PIK3CA: variants seen among roughly 807,000 people sequenced by gnomAD.
The protein encoded by PIK3CA is phosphatidylinositol-4,5-bisphosphate 3-kinase catalytic subunit alpha.
A neutral mutation model predicts 138.2 loss-of-function variants in PIK3CA; 27 were observed. That is an observed-to-expected ratio of 0.20 (90% confidence interval 0.14 to 0.27). The LOEUF (loss-of-function observed/expected upper bound fraction) is 0.27, where lower values mean the gene tolerates loss of function less well. Ranked by LOEUF, PIK3CA falls within the 10% of genes least tolerant of loss-of-function variation. The probability of loss-of-function intolerance (pLI) is 1.00; values close to 1 mark genes in which losing one functional copy is unlikely to be tolerated. For synonymous variants in PIK3CA, 358 were observed against 413.2 expected (o/e 0.87, Z 1.62); for missense variants, 544 against 1,277.4 (o/e 0.43, Z 8.75).
intron 1 of PIK3CA, among the ~76,000 whole-genome samples, chr3:179,168,906 T>C (rs1231311444): frequency 6.6e-6 from 1 of 152,174 alleles, no homozygotes; most frequent in Non-Finnish European, 1.5e-5. Context: ...TTTTTTAATT[T>C]CTGGGTTTTT....
In PIK3CA at chr3:179,239,929, A is replaced by C. The variant is rs754813687; in HGVS notation, c.*5565A>C. The C allele has an allele frequency of 2.6e-5, 23 of 900,934 alleles. No individual in the cohort carries two copies. The highest frequency in any genetic ancestry group is 4.0e-5 in the Non-Finnish European group (23 of 572,218). The allele number at this position is 900,934 out of a possible 1,614,324, so 55.8% of individuals were successfully genotyped here. A position where few individuals can be genotyped will look rare whatever the true frequency, so the allele number is the denominator to read the frequency against. ...ATTGAGAATATAGAATAATAACAGT[A>C]TCACTAAATTTAAGACCTCTTCCCA... On this transcript the variant is annotated 3_prime_UTR_variant, in exon 21 of 21. Transcript: ENST00000263967.
rs748411676 is a variant in PIK3CA at position 179,230,017 on chromosome 3, A to G, written c.2680A>G (p.Ile894Val). The G allele has an allele frequency of 6.2e-7, 1 of 1,611,668 alleles. No homozygotes were observed. Residue 894 changes from isoleucine to valine, a missense_variant, in exon 19 of 21, where the codon ATT becomes GTT. This residue lies in a region of PIK3CA where 72 missense variants were observed against 271.8 expected (regional missense o/e 0.26). Transcript: ENST00000263967. The surrounding 1 kb of genome is among the most constrained non-coding windows in gnomAD (Gnocchi z 5.4). ...KNKGEIYDAA[I>V]DLFTRSCAGY... Reference sequence around the variant, plus strand: ...TATTCTTTGTAGATATGATGCAGCCATTGACCTGTTTACACGTTCATGTGC... The same window carrying G: ...TATTCTTTGTAGATATGATGCAGCCGTTGACCTGTTTACACGTTCATGTGC...
chr3:179,219,197 C>T lies in PIK3CA; in HGVS notation c.1666C>T (p.His556Tyr), dbSNP rs1468005092. 2 of 1,579,058 alleles carry T rather than the reference C, an allele frequency of 1.3e-6. No individual in the cohort carries two copies. Among genetic ancestry groups the T allele is most frequent in the Non-Finnish European group, 1.7e-6 (2 of 1,149,214 alleles). ...QEKDFLWSHRHYCVTIPEILP... is the reference protein window; with the variant it reads ...QEKDFLWSHRYYCVTIPEILP... ...GTTTATTTTGTTTCTCCCACACAGA[C>T]ACTATTGTGTAACTATCCCCGAAAT... The change falls in exon 11 of 21, where the codon CAC (histidine) becomes TAC (tyrosine). Residue 556 changes from histidine to tyrosine, a missense_variant and splice_region_variant. His to Tyr is a moderately conservative substitution (Grantham distance 83). Transcript: ENST00000263967. This position sits in a 1 kb window ranked among gnomAD's most constrained non-coding sequence, Gnocchi z 4.2.
At chr3:179,200,814 A>G (rs1724391487) in intron 3 of PIK3CA, among the ~76,000 whole-genome samples, 1 of 152,132 alleles carries the variant, frequency 6.6e-6, no homozygotes, top group African/African-American at 2.4e-5. Flanking sequence ...AAATTAGACA[A>G]TGCATTTCCT....
At chr3:179,186,321 C>A (rs1723981882) in intron 1 of PIK3CA, among the ~76,000 whole-genome samples, 1 of 152,134 alleles carries the variant, frequency 6.6e-6, no homozygotes, top group African/African-American at 2.4e-5. Flanking sequence ...CCTTTTGTTT[C>A]TTTCTTTAGC....
chr3:179,154,954 A>G lies in PIK3CA; in HGVS notation c.-77+6351A>G, dbSNP rs371479480. 8.5e-5 allele frequency among the ~76,000 whole-genome samples: 13 copies of G among 152,230 alleles called. No individual in the cohort carries two copies. The South Asian group carries it at 2.7e-3, about 32-fold the overall frequency. On this transcript the variant is annotated intron_variant, in intron 1 of 20. Transcript: ENST00000263967. ...CATTGCCATTTGAAATAAATTAGGGATTTTTAAAAATCTATAAGAATTCTT... is the reference window on the plus strand; with the variant it reads ...CATTGCCATTTGAAATAAATTAGGGGTTTTTAAAAATCTATAAGAATTCTT...
intron 1 of PIK3CA, among the ~76,000 whole-genome samples, chr3:179,188,636 G>A (rs1256023312): frequency 6.6e-6 from 1 of 152,094 alleles, no homozygotes; most frequent in Non-Finnish European, 1.5e-5. Context: ...GCTTTTATGT[G>A]AAACTGTGAT....
chr3:179,163,483 CT>C (rs1490103612), intron 1 of PIK3CA, among the ~76,000 whole-genome samples: 2 of 152,074 alleles, frequency 1.3e-5, no homozygotes, highest in African/African-American at 4.8e-5. Flanking sequence ...GACTCCCTAT[CT>C]TTAAAAAAAC....
intron 20 of PIK3CA, among the ~76,000 whole-genome samples, chr3:179,233,741 C>A (rs1197181499): frequency 6.6e-6 from 1 of 152,126 alleles, no homozygotes; most frequent in East Asian, 1.9e-4. Context: ...TTTTTACAAT[C>A]TTCTATAAAA....
chr3:179,207,524 G>A (rs922637740), intron 6 of PIK3CA, among the ~76,000 whole-genome samples: 2 of 151,138 alleles, frequency 1.3e-5, no homozygotes, highest in Admixed American at 1.3e-4. Flanking sequence ...GTACATTAAA[G>A]TAATATATCT....
intron 20 of PIK3CA, among the ~76,000 whole-genome samples, chr3:179,231,985 G>A (rs1433887590): frequency 2.6e-5 from 4 of 151,948 alleles, no homozygotes; most frequent in African/African-American, 9.7e-5. Context: ...TTGCTGATTT[G>A]AGTTCCTTAT....
chr3:179,231,640 T>C, intron 20 of PIK3CA, among the ~76,000 whole-genome samples: 1 of 117,398 alleles, frequency 8.5e-6, no homozygotes, highest in East Asian at 2.2e-4. Flanking sequence ...CTTTTTTTTT[T>C]TTTTTTTTTT....
chr3:179,200,711 ACAAC>A (rs1724388995), intron 3 of PIK3CA, among the ~76,000 whole-genome samples: 1 of 152,210 alleles, frequency 6.6e-6, no homozygotes, highest in Admixed American at 6.5e-5. Context: ...TGTACTGTGA[ACAAC>A]CAAACCTCTC....
chr3:179,211,564 G>A (rs1418980854), intron 9 of PIK3CA, among the ~76,000 whole-genome samples: 1 of 152,188 alleles, frequency 6.6e-6, no homozygotes, highest in Non-Finnish European at 1.5e-5. Flanking sequence ...CTACTCGGGA[G>A]GCTAAGTTAG....
At chr3:179,156,073 A>G (rs1284009930) in intron 1 of PIK3CA, among the ~76,000 whole-genome samples, 1 of 152,154 alleles carries the variant, frequency 6.6e-6, no homozygotes, top group African/African-American at 2.4e-5. Flanking sequence ...CTCCCTAGAG[A>G]GAAGACAGTC....
chr3:179,163,883 T>C (rs1723348653), intron 1 of PIK3CA, among the ~76,000 whole-genome samples: 1 of 152,172 alleles, frequency 6.6e-6, no homozygotes, highest in Non-Finnish European at 1.5e-5. Flanking sequence ...TTTATTTCCA[T>C]TGACAGTCTG....
chr3:179,168,392 C>A (rs1388648140), intron 1 of PIK3CA, among the ~76,000 whole-genome samples: 1 of 152,078 alleles, frequency 6.6e-6, no homozygotes, highest in Non-Finnish European at 1.5e-5. Flanking sequence ...TTTTCTTTTG[C>A]AGATTACTTG....
intron 16 of PIK3CA, 109 bp downstream of exon 16, chr3:179,224,930 CAT>C (rs768531032): frequency 2.6e-4 from 170 of 643,036 alleles, no homozygotes; most frequent in Middle Eastern, 8.9e-4. Context: ...GGAATATACA[CAT>C]GTGATAAAAT....
chr3:179,195,282 A>G (rs1301111085), intron 1 of PIK3CA, among the ~76,000 whole-genome samples: 1 of 151,710 alleles, frequency 6.6e-6, no homozygotes, highest in Non-Finnish European at 1.5e-5. Flanking sequence ...CAACAACAAA[A>G]ACCGTTTCCT....
Sources: gnomAD v4.1 joint callset for allele counts (sites outside exome capture counted in the v4.1 genomes callset) on GRCh38, gnomAD v4.1.1 for gene constraint, gnomAD v4.1.1 regional missense constraint, Gnocchi (gnomAD v3.1) non-coding constraint, MANE v1.5 for transcripts, NCBI Gene and HGNC (gene_info 2026-07-23, HGNC 2026-07-21) for gene names.